UXS1: variants seen among roughly 807,000 people sequenced by gnomAD.
The protein encoded by UXS1 is UDP-glucuronic acid decarboxylase 1.
UXS1 carries 33 observed loss-of-function variants against 62.6 expected under a neutral mutation model. That is an observed-to-expected ratio of 0.53 (90% CI 0.40 to 0.70). The LOEUF (loss-of-function observed/expected upper bound fraction) is 0.70, where lower values mean the gene tolerates loss of function less well. UXS1 is among the 30% of genes least tolerant of loss of function. The pLI, the probability that UXS1 is intolerant of heterozygous loss-of-function variation, is 0.00. For synonymous variants in UXS1, 213 were observed against 206.8 expected, an observed-to-expected ratio of 1.03 and a Z score of -0.26; for missense variants, 434 against 556.3, an observed-to-expected ratio of 0.78 and a Z score of 2.21.
At chr2:106,096,182 G>A (rs1677070461) in intron 14 of UXS1, among the ~76,000 whole-genome samples, 1 of 142,526 alleles carries the variant, frequency 7.0e-6, no homozygotes, top group Admixed American at 7.4e-5. Context: ...TCACAGTCAG[G>A]GGTGTGTGTG....
At chr2:106,096,845 G>T in intron 13 of UXS1, 24 bp from the exon 14 acceptor site, 1 of 1,555,402 alleles carries the variant, frequency 6.4e-7, no homozygotes, top group Non-Finnish European at 8.7e-7. Flanking sequence ...AGAAAAAAAA[G>T]GTAGGAGAGA....
chr2:106,154,244 A>AACACAAAC (rs754137381), intron 5 of UXS1, among the ~76,000 whole-genome samples: 8 of 152,248 alleles, frequency 5.3e-5, no homozygotes, highest in Non-Finnish European at 1.0e-4. Flanking sequence ...AACACAAACA[A>AACACAAAC]AAATAGATGC....
At chr2:106,110,683 GTCC>G (rs1558684984) in intron 10 of UXS1, among the ~76,000 whole-genome samples, 1 of 152,122 alleles carries the variant, frequency 6.6e-6, no homozygotes, top group Non-Finnish European at 1.5e-5. Flanking sequence ...CCAATAATTA[GTCC>G]ACTCAACATT....
At chr2:106,192,484 G>A (rs1376100625) in intron 1 of UXS1, among the ~76,000 whole-genome samples, 1 of 152,016 alleles carries the variant, frequency 6.6e-6, no homozygotes, top group Middle Eastern at 3.2e-3. Flanking sequence ...AACCCGGGAG[G>A]TGGAGCGTGC....
At chr2:106,189,574 C>T (rs528510137) in intron 1 of UXS1, among the ~76,000 whole-genome samples, 1 of 152,152 alleles carries the variant, frequency 6.6e-6, no homozygotes, top group Admixed American at 6.5e-5. Flanking sequence ...GCACAACAAC[C>T]ATGTGAGGCC....
intron 10 of UXS1, among the ~76,000 whole-genome samples, chr2:106,105,632 C>A (rs1032933821): frequency 2.6e-5 from 4 of 152,202 alleles, no homozygotes; most frequent in African/African-American, 9.6e-5. Flanking sequence ...CCCAGAAGGA[C>A]TGGTGTCCGA....
At chr2:106,118,767 GAGAAATTTTTCTATAAAAA>G (rs1679273043) in intron 9 of UXS1, among the ~76,000 whole-genome samples, 1 of 152,132 alleles carries the variant, frequency 6.6e-6, no homozygotes, top group African/African-American at 2.4e-5. Flanking sequence ...CTTAGGAAAA[GAGAAATTTTTCTATAAAAA>G]AATTATTCCT....
At chr2:106,096,680 C>A in intron 14 of UXS1, 38 bp downstream of exon 14, 1 of 1,511,864 alleles carries the variant, frequency 6.6e-7, no homozygotes, top group Non-Finnish European at 8.9e-7. Flanking sequence ...ACACGGGAGG[C>A]CCCTCCCCAC....
At chr2:106,148,291 G>A (rs893763528) in intron 5 of UXS1, among the ~76,000 whole-genome samples, 1 of 152,174 alleles carries the variant, frequency 6.6e-6, no homozygotes. Flanking sequence ...CTTAACTCAC[G>A]GGATGAGATT....
chr2:106,100,907 G>T, intron 12 of UXS1, 151 bp downstream of exon 12: 1 of 956,510 alleles, frequency 1.0e-6, no homozygotes, highest in Non-Finnish European at 1.6e-6. Context: ...CTTTGTGTTT[G>T]TTTGTTTTTC....
chr2:106,149,429 A>G (rs1470167932), intron 5 of UXS1, among the ~76,000 whole-genome samples: 1 of 152,212 alleles, frequency 6.6e-6, no homozygotes, highest in East Asian at 1.9e-4. Flanking sequence ...GAGGTGAAGT[A>G]AATGGATTAA....
chr2:106,165,647 C>T (rs1327442289), intron 2 of UXS1, among the ~76,000 whole-genome samples: 3 of 152,144 alleles, frequency 2.0e-5, no homozygotes, highest in Middle Eastern at 3.2e-3. Context: ...GTCTCTGCAT[C>T]GATACCCACT....
Position 106,166,067 on chromosome 2 carries a change from G to A in UXS1, c.111C>T (p.Phe37=), listed in dbSNP as rs375300339. 1.4e-5 allele frequency: 23 copies of A among 1,610,434 alleles called. No homozygotes were observed. The African/African-American group carries it at 2.1e-4, about 15-fold the overall frequency. ...TTAAAAACAATTACCTCATATTAAC[G>A]AAGTTGCCCCAAACAGCTGTAAGAG... ...LAYVASVWGN[F]VNMSFLLNRS... Residue 37 remains phenylalanine (F), a synonymous_variant, in exon 2 of 15, where the codon TTC becomes TTT. Coordinates refer to ENST00000283148, the MANE Select transcript of UXS1 (RefSeq NM_001253875.2).
At chr2:106,153,884 A>G (rs1269889960) in intron 5 of UXS1, among the ~76,000 whole-genome samples, 1 of 152,218 alleles carries the variant, frequency 6.6e-6, no homozygotes, top group Admixed American at 6.5e-5. Context: ...ATAAAGAGAG[A>G]TTACAAAATA....
intron 7 of UXS1, among the ~76,000 whole-genome samples, chr2:106,125,985 T>C (rs961830430): frequency 5.3e-5 from 8 of 152,102 alleles, no homozygotes; most frequent in East Asian, 1.9e-4. Context: ...CCCCAAATAT[T>C]ACCCCATATT....
At chr2:106,156,776 G>A (rs142225740) in intron 5 of UXS1, among the ~76,000 whole-genome samples, 2 of 152,268 alleles carry the variant, frequency 1.3e-5, no homozygotes, top group East Asian at 1.9e-4. Flanking sequence ...CACATGTTCA[G>A]TACAGCCATA....
At chr2:106,183,741 T>C (rs1684390243) in intron 1 of UXS1, 1 of 152,210 alleles carries the variant, frequency 6.6e-6, no homozygotes, top group African/African-American at 2.4e-5. Context: ...TATCAGCTCT[T>C]TAGAGAAATC....
chr2:106,096,365 G>C (rs769513528), intron 14 of UXS1, among the ~76,000 whole-genome samples: 1 of 152,184 alleles, frequency 6.6e-6, no homozygotes, highest in Non-Finnish European at 1.5e-5. Context: ...TTGTATGACA[G>C]TGTATATATG....
chr2:106,098,992 T>C (rs1338647716), intron 12 of UXS1, among the ~76,000 whole-genome samples: 1 of 152,232 alleles, frequency 6.6e-6, no homozygotes, highest in African/African-American at 2.4e-5. Flanking sequence ...GCCTCTAGGC[T>C]GCTGTGTACA....
Sources: allele counts gnomAD v4.1 joint callset (sites outside exome capture counted in the v4.1 genomes callset), GRCh38; gene constraint gnomAD v4.1.1; transcripts MANE v1.5; gene names NCBI Gene and HGNC (gene_info 2026-07-23, HGNC 2026-07-21).